The following ARHGAP10 variants were observed in gnomAD, a reference collection of about 807,000 sequenced individuals.
ARHGAP10 encodes rho GTPase-activating protein 10.
A neutral mutation model predicts 108.6 loss-of-function variants in ARHGAP10; 87 were observed. The ratio of observed to expected loss-of-function variants is 0.80; its 90% CI spans 0.67 to 0.96. ARHGAP10 has a LOEUF of 0.96. Among genes scored for constraint, ARHGAP10 ranks in the 40% least tolerant of loss-of-function variants. The pLI, the probability that ARHGAP10 is intolerant of heterozygous loss-of-function variation, is 0.00. For missense variants in ARHGAP10, 939 were observed against 954.5 expected (o/e 0.98, Z 0.21); for synonymous variants, 347 against 341.1 (o/e 1.02, Z -0.19).
At chr4:147,735,439 A>G (rs1162874592) in intron 1 of ARHGAP10, among the ~76,000 whole-genome samples, 2 of 152,216 alleles carry the variant, frequency 1.3e-5, no homozygotes, top group East Asian at 1.9e-4. Context: ...GTAGAACCTT[A>G]TCATATTGGA....
At position 147,959,160 on chromosome 4, in the gene ARHGAP10, G is replaced by A. The variant is rs573465661; in HGVS notation, c.1450+3786G>A. Among the ~76,000 whole-genome samples the A allele has an allele frequency of 2.6e-5, 4 of 151,900 alleles. No individual in the cohort carries two copies. In the South Asian group the frequency reaches 6.2e-4, roughly 24 times the overall value. On this transcript the variant is annotated intron_variant, in intron 16 of 22. Transcript: ENST00000336498. Reference sequence around the variant, plus strand: ...GTTGTAGCTACATAGAAATGATTGCGAATAGAAAGCTCTGATGATTAATGT... The same window carrying A: ...GTTGTAGCTACATAGAAATGATTGCAAATAGAAAGCTCTGATGATTAATGT...
chr4:148,072,078 G>A lies in ARHGAP10; in HGVS notation c.2358G>A (p.Leu786=), dbSNP rs751115475. 3 of 1,612,096 alleles carry A rather than the reference G, an allele frequency of 1.9e-6. No homozygotes were observed. The highest frequency in any genetic ancestry group is 2.2e-5 in the South Asian group (2 of 90,812). Residue 786 remains leucine (L), a synonymous_variant, in exon 23 of 23, where the codon CTG becomes CTA. Coordinates refer to ENST00000336498, the MANE Select transcript of ARHGAP10 (RefSeq NM_024605.4). ...TTCCACAGAACTACGTCAAGCTGCT[G>A]TAGCTCCTGGCCTCAGAGCCCCTGC... ...GLIPQNYVKL[L] is the part of the protein sequence containing the mutation.
At chr4:147,759,458 C>T (rs1346915804) in intron 1 of ARHGAP10, among the ~76,000 whole-genome samples, 2 of 151,952 alleles carry the variant, frequency 1.3e-5, no homozygotes, top group African/African-American at 4.8e-5. Context: ...CCTGTAGTAC[C>T]AGTTACTTGG....
At chr4:147,979,577 A>G (rs1241206453) in intron 18 of ARHGAP10, among the ~76,000 whole-genome samples, 36 of 152,008 alleles carry the variant, frequency 2.4e-4, no homozygotes, top group Admixed American at 2.4e-3. Context: ...GAAAAATGAC[A>G]TTGGCAATTT....
At chr4:147,953,539 T>G (rs1738685129) in intron 15 of ARHGAP10, among the ~76,000 whole-genome samples, 1 of 152,060 alleles carries the variant, frequency 6.6e-6, no homozygotes, top group South Asian at 2.1e-4. Flanking sequence ...TTTATGGGCA[T>G]AAAATTGCTC....
chr4:148,044,935 C>T (rs1269267731), intron 19 of ARHGAP10, among the ~76,000 whole-genome samples: 3 of 152,078 alleles, frequency 2.0e-5, no homozygotes, highest in East Asian at 1.9e-4. Flanking sequence ...TGTGGTGAAG[C>T]GCTGTGGAAA....
At chr4:147,799,362 G>C (rs1013584029) in intron 1 of ARHGAP10, among the ~76,000 whole-genome samples, 13 of 151,992 alleles carry the variant, frequency 8.6e-5, no homozygotes, top group Non-Finnish European at 1.6e-4. Context: ...TCTTAAATCT[G>C]TTTATGTCTT....
chr4:147,786,002 T>C lies in ARHGAP10; in HGVS notation c.155-36725T>C, dbSNP rs533113964. Among the ~76,000 whole-genome samples the C allele has an allele frequency of 5.3e-5, 8 of 152,200 alleles. No homozygotes were observed. In the East Asian group the frequency reaches 1.2e-3, roughly 22 times the overall value. On this transcript the variant is annotated intron_variant, in intron 1 of 22. Coordinates refer to ENST00000336498, the MANE Select transcript of ARHGAP10 (RefSeq NM_024605.4). ...AAACTTCTTTCTGATTTCGGGAAAA[T>C]TGAGATTTGTGTGTTTATTGACAAG...
chr4:147,894,458 A>G (rs563212202), intron 10 of ARHGAP10, among the ~76,000 whole-genome samples: 11 of 152,316 alleles, frequency 7.2e-5, no homozygotes, highest in African/African-American at 2.2e-4. Context: ...CAAATCATTT[A>G]CCGGATATAA....
intron 18 of ARHGAP10, among the ~76,000 whole-genome samples, chr4:147,992,512 A>T (rs927885398): frequency 1.3e-5 from 2 of 152,018 alleles, no homozygotes; most frequent in African/African-American, 4.8e-5. Flanking sequence ...GGTTCAAGCC[A>T]TTCTCTTGTA....
In ARHGAP10 at chr4:148,019,642, C is replaced by T. The variant is rs1012956323; in HGVS notation, c.1717-3621C>T. Reference sequence around the variant, plus strand: ...GTGCGTGCCTGTAATCCCAGCTACTCAGGAGGCTGAGGCAGGAGAATCGCT... The same window carrying T: ...GTGCGTGCCTGTAATCCCAGCTACTTAGGAGGCTGAGGCAGGAGAATCGCT... On this transcript the variant is annotated intron_variant, in intron 18 of 22. Transcript: ENST00000336498. Among the ~76,000 whole-genome samples the T allele has an allele frequency of 6.5e-4, 99 of 152,000 alleles. 2 individuals carry two copies. Among genetic ancestry groups the T allele is most frequent in the Non-Finnish European group, 1.3e-4 (9 of 67,958 alleles).
intron 7 of ARHGAP10, among the ~76,000 whole-genome samples, 184 bp from the exon 8 acceptor site, chr4:147,874,837 T>G (rs1295694895): frequency 6.6e-6 from 1 of 152,128 alleles, no homozygotes; most frequent in Non-Finnish European, 1.5e-5. Flanking sequence ...TTACTGCTAT[T>G]TTTTTTTCTT....
intron 19 of ARHGAP10, among the ~76,000 whole-genome samples, chr4:148,026,240 G>A (rs772009675): frequency 5.9e-5 from 9 of 152,154 alleles, no homozygotes; most frequent in Non-Finnish European, 7.4e-5. Context: ...GAACACACTC[G>A]GAATTGGTTT....
In ARHGAP10 at chr4:147,857,597, T is replaced by A; in HGVS notation, c.429T>A (p.Ser143Arg). Reference sequence around the variant, plus strand: ...ACAAAGAGACAGAAAAGAATTATAGTCTAATTGATAAACATTTGAATTTAT... The same window carrying A: ...ACAAAGAGACAGAAAAGAATTATAGACTAATTGATAAACATTTGAATTTAT... Reference protein sequence around the residue: ...KFDKETEKNYSLIDKHLNLSA... With the variant: ...KFDKETEKNYRLIDKHLNLSA... The change falls in exon 5 of 23, where the codon AGT becomes AGA. Residue 143 changes from serine to arginine, a missense_variant. Coordinates refer to ENST00000336498, the MANE Select transcript of ARHGAP10 (RefSeq NM_024605.4). 1 of 1,487,670 alleles carries A rather than the reference T, an allele frequency of 6.7e-7. No homozygotes were observed. Among genetic ancestry groups the A allele is most frequent in the Non-Finnish European group, 8.9e-7 (1 of 1,120,756 alleles). 92.2% of individuals were successfully genotyped at this position (1,487,670 alleles called of 1,614,324 possible).
chr4:147,897,019 C>T (rs1348961963), intron 10 of ARHGAP10, among the ~76,000 whole-genome samples: 1 of 151,728 alleles, frequency 6.6e-6, no homozygotes, highest in African/African-American at 2.4e-5. Context: ...GCATAATGAC[C>T]CTTTTATGAA....
intron 1 of ARHGAP10, among the ~76,000 whole-genome samples, chr4:147,774,653 T>G (rs958130771): frequency 2.0e-5 from 3 of 152,348 alleles, no homozygotes; most frequent in African/African-American, 7.2e-5. Flanking sequence ...TTACAAAGCT[T>G]CTTGTGTGTT....
At chr4:147,944,882 G>C (rs1260540805) in intron 14 of ARHGAP10, among the ~76,000 whole-genome samples, 3 of 152,068 alleles carry the variant, frequency 2.0e-5, no homozygotes, top group Admixed American at 2.0e-4. Flanking sequence ...TACCATCACT[G>C]CTTGCTTATA....
At chr4:148,014,838 A>C (rs1188366628) in intron 18 of ARHGAP10, among the ~76,000 whole-genome samples, 1 of 152,254 alleles carries the variant, frequency 6.6e-6, no homozygotes, top group Non-Finnish European at 1.5e-5. Context: ...AAAGGAGTCT[A>C]AAAATGTTTC....
chr4:147,989,793 T>C (rs1560861931), intron 18 of ARHGAP10, among the ~76,000 whole-genome samples: 2 of 152,186 alleles, frequency 1.3e-5, no homozygotes, highest in African/African-American at 4.8e-5. Flanking sequence ...CCTGAGATGA[T>C]ATACATCCTT....
Sources: allele counts gnomAD v4.1 joint callset (sites outside exome capture counted in the v4.1 genomes callset), GRCh38; gene constraint gnomAD v4.1.1; transcripts MANE v1.5; gene names NCBI Gene and HGNC (gene_info 2026-07-23, HGNC 2026-07-21).